The following NEK6 variants were observed in gnomAD, a reference collection of about 807,000 sequenced individuals.
NEK6 encodes serine/threonine-protein kinase Nek6.
Under a neutral mutation model 43.5 loss-of-function variants are expected in NEK6, and 27 were observed. That is an observed-to-expected ratio of 0.62 (90% CI 0.46 to 0.86). NEK6 has a LOEUF of 0.86. Among genes scored for constraint, NEK6 ranks in the 40% least tolerant of loss-of-function variants. The probability of loss-of-function intolerance (pLI) is 0.00; values close to 1 mark genes in which losing one functional copy is unlikely to be tolerated. For missense variants in NEK6, 318 were observed against 414.4 expected (o/e 0.77, Z 2.02); for synonymous variants, 167 against 164.1 (o/e 1.02, Z -0.14).
chr9:124,349,478 C>T (rs924468227), intron 9 of NEK6, among the ~76,000 whole-genome samples: 3 of 152,192 alleles, frequency 2.0e-5, no homozygotes, highest in Admixed American at 6.5e-5. Context: ...CCACGAGCCC[C>T]CACTCCCCGG....
chr9:124,352,440 A>AAAT lies in NEK6; in HGVS notation c.*1494_*1496dup, dbSNP rs1830321941. On this transcript the variant is annotated 3_prime_UTR_variant, in exon 10 of 10. Transcript: ENST00000320246. ...TTACTTAGAATTCATGAAGATTTTA[A>AAAT]AATGGCTTTGGAGATTTTGCTTTTA... 1 of 152,238 alleles carries AAAT rather than the reference A, an allele frequency of 6.6e-6. No homozygotes were observed. The highest frequency in any genetic ancestry group is 1.9e-4 in the East Asian group (1 of 5,204). 9.4% of individuals were successfully genotyped at this position (152,238 alleles called of 1,614,324 possible).
At chr9:124,330,173 G>C (rs1345522666) in intron 7 of NEK6, among the ~76,000 whole-genome samples, 1 of 152,250 alleles carries the variant, frequency 6.6e-6, no homozygotes, top group Non-Finnish European at 1.5e-5. Context: ...CCCAGCGGTG[G>C]CAGAGTGGCT....
chr9:124,312,664 C>T lies in NEK6; in HGVS notation c.231+15C>T, dbSNP rs370085754. Reference sequence around the variant, plus strand: ...AGAAGGTGCAGGTGAGCTGACAACCCGTGGGGTCAAACCTGCATCTCGGGA... The same window carrying T: ...AGAAGGTGCAGGTGAGCTGACAACCTGTGGGGTCAAACCTGCATCTCGGGA... On this transcript the variant is annotated intron_variant, in intron 3 of 9. Coordinates refer to ENST00000320246, the MANE Select transcript of NEK6 (RefSeq NM_014397.6). 15 of 1,606,360 alleles carry T rather than the reference C, an allele frequency of 9.3e-6. No homozygotes were observed. Among genetic ancestry groups the T allele is most frequent in the African/African-American group, 8.0e-5 (6 of 74,754 alleles).
chr9:124,296,779 C>G (rs1832709981), intron 1 of NEK6, among the ~76,000 whole-genome samples: 1 of 152,226 alleles, frequency 6.6e-6, no homozygotes, highest in South Asian at 2.1e-4. Context: ...AGCCACCAGT[C>G]TCCATGAAGT....
intron 9 of NEK6, among the ~76,000 whole-genome samples, chr9:124,348,301 T>C (rs1286039107): frequency 6.6e-6 from 1 of 152,214 alleles, no homozygotes; most frequent in Non-Finnish European, 1.5e-5. Flanking sequence ...CCTGGGCTTC[T>C]ACTGTCAACA....
At chr9:124,293,682 G>C (rs1342128344) in intron 1 of NEK6, among the ~76,000 whole-genome samples, 2 of 152,218 alleles carry the variant, frequency 1.3e-5, no homozygotes, top group Non-Finnish European at 2.9e-5. Context: ...GGGGTTGCAG[G>C]AGGGTGGGAA....
chr9:124,273,806 G>GT (rs1237725663), intron 1 of NEK6, among the ~76,000 whole-genome samples: 2 of 152,134 alleles, frequency 1.3e-5, no homozygotes, highest in African/African-American at 2.4e-5. Flanking sequence ...CCATTTACGG[G>GT]TTTTTTTGTT....
At position 124,327,371 on chromosome 9, in the gene NEK6, C is replaced by T. The variant is rs754146573; in HGVS notation, c.548C>T (p.Thr183Met). ...IKPANVFITA[T>M]GVVKLGDLGL... ...CCTGCCAACGTGTTCATCACAGCCA[C>T]GGGCGTCGTGAAGCTCGGTGACCTT... Residue 183 changes from threonine to methionine, a missense_variant, in exon 7 of 10, where the codon ACG (threonine) becomes ATG (methionine). Thr to Met is a moderately conservative substitution (Grantham distance 81). This residue lies in a region of NEK6 where 239 missense variants were observed against 344.4 expected (regional missense o/e 0.69). Transcript: ENST00000320246. 9 of 1,613,948 alleles carry T rather than the reference C, an allele frequency of 5.6e-6. No individual in the cohort carries two copies. The highest frequency in any genetic ancestry group is 2.2e-5 in the South Asian group (2 of 91,086).
rs772780677 is a variant in NEK6, at chr9:124,327,431, C to T, written c.608C>T (p.Ala203Val). 6.2e-7 allele frequency: 1 copy of T among 1,612,740 alleles called. No individual in the cohort carries two copies. The highest frequency in any genetic ancestry group is 8.5e-7 in the Non-Finnish European group (1 of 1,179,876). ...CGCTTCTTCAGCTCTGAGACCACCGCAGCCCACTCCCTAGGTAAGGGGGAC... is the reference window on the plus strand; with the variant it reads ...CGCTTCTTCAGCTCTGAGACCACCGTAGCCCACTCCCTAGGTAAGGGGGAC... ...LGRFFSSETT[A>V]AHSLVGTPYY... Residue 203 changes from alanine to valine, a missense_variant, in exon 7 of 10, where the codon GCA becomes GTA. Physicochemically the swap from Ala to Val is moderately conservative, Grantham distance 64 (BLOSUM62 0). Coordinates refer to ENST00000320246, the MANE Select transcript of NEK6 (RefSeq NM_014397.6).
chr9:124,317,515 CCTT>C (rs1189945934), intron 4 of NEK6, among the ~76,000 whole-genome samples: 1 of 152,184 alleles, frequency 6.6e-6, no homozygotes, highest in Non-Finnish European at 1.5e-5. Flanking sequence ...GTCTGGCCCA[CCTT>C]CTTTTTTAAA....
intron 2 of NEK6, among the ~76,000 whole-genome samples, chr9:124,305,421 G>T (rs1305817561): frequency 6.6e-6 from 1 of 152,054 alleles, no homozygotes; most frequent in African/African-American, 2.4e-5. Flanking sequence ...GGGCGTGGTG[G>T]TGTTCACCTG....
rs1327923627 is a variant in NEK6 at position 124,352,959 on chromosome 9, GTGTT to G, written c.*2016_*2019del. 6.6e-6 allele frequency: 1 copy of G among 152,484 alleles called. No individual in the cohort carries two copies. The highest frequency in any genetic ancestry group is 2.4e-5 in the African/African-American group (1 of 41,454). 9.4% of individuals were successfully genotyped at this position (152,484 alleles called of 1,614,324 possible). On this transcript the variant is annotated 3_prime_UTR_variant, in exon 10 of 10. Coordinates refer to ENST00000320246, the MANE Select transcript of NEK6 (RefSeq NM_014397.6). ...GATCTCAGCCACTCACCAGGCCTGAGTGTTTGTGAAATGATCATGTCCTACTTAT... is the reference window on the plus strand; with the variant it reads ...GATCTCAGCCACTCACCAGGCCTGAGTGTGAAATGATCATGTCCTACTTAT...
At chr9:124,281,494 T>A (rs10760346) in intron 1 of NEK6, among the ~76,000 whole-genome samples, 2 of 130,290 alleles carry the variant, frequency 1.5e-5, no homozygotes, top group South Asian at 2.5e-4. Context: ...TTTCTTTTTT[T>A]TTTTTTTTTT....
At chr9:124,265,289 C>A (rs564728098) in intron 1 of NEK6, among the ~76,000 whole-genome samples, 1 of 152,118 alleles carries the variant, frequency 6.6e-6, no homozygotes, top group African/African-American at 2.4e-5. Flanking sequence ...TTTGGGAGGC[C>A]GAGGCAGGCG....
At chr9:124,273,770 G>A (rs921875462) in intron 1 of NEK6, among the ~76,000 whole-genome samples, 9 of 152,192 alleles carry the variant, frequency 5.9e-5, no homozygotes, top group Admixed American at 1.3e-4. Context: ...CTGCAGCAGG[G>A]GAGCGTAATC....
chr9:124,347,260 A>C (rs1398088923), intron 8 of NEK6, among the ~76,000 whole-genome samples: 1 of 152,180 alleles, frequency 6.6e-6, no homozygotes, highest in Non-Finnish European at 1.5e-5. Context: ...ACCCCACCCC[A>C]AAATGTCAGT....
chr9:124,272,886 C>T (rs2118930329), intron 1 of NEK6, among the ~76,000 whole-genome samples: 1 of 152,320 alleles, frequency 6.6e-6, no homozygotes, highest in East Asian at 1.9e-4. Context: ...CCCGTGGCTT[C>T]CAGACCACAC....
chr9:124,308,610 C>T (rs148302094), intron 2 of NEK6, among the ~76,000 whole-genome samples: 2,338 of 151,236 alleles, frequency 0.015, 63 homozygotes, highest in African/African-American at 0.054. Flanking sequence ...GAGCCGAGAT[C>T]GCGCCACAGC....
intron 1 of NEK6, chr9:124,292,640 C>A: frequency 6.9e-7 from 1 of 1,441,196 alleles, no homozygotes; most frequent in South Asian, 1.2e-5. Flanking sequence ...CGGTTCTGCT[C>A]TGAAATCCAT....
Sources: gnomAD v4.1 joint callset for allele counts (sites outside exome capture counted in the v4.1 genomes callset) on GRCh38, gnomAD v4.1.1 for gene constraint, gnomAD v4.1.1 regional missense constraint, MANE v1.5 for transcripts, NCBI Gene and HGNC (gene_info 2026-07-23, HGNC 2026-07-21) for gene names.